Variants in LCP1 observed in about 807,000 individuals in gnomAD.
LCP1 encodes the protein lymphocyte cytosolic protein 1.
In LCP1, 23 loss-of-function variants were observed where a neutral mutation model predicts 72.0. The ratio of observed to expected loss-of-function variants is 0.32; its 90% CI spans 0.23 to 0.45. The LOEUF (loss-of-function observed/expected upper bound fraction) is 0.45. LCP1 is among the 20% of genes least tolerant of loss of function. LCP1 has a pLI of 1.00. For missense variants in LCP1, 571 were observed against 748.3 expected (o/e 0.76, Z 2.76); for synonymous variants, 245 against 275.4 (o/e 0.89, Z 1.09).
chr13:46,134,999 C>G (rs2045655640), intron 13 of LCP1, among the ~76,000 whole-genome samples: 2 of 150,440 alleles, frequency 1.3e-5, no homozygotes, highest in Non-Finnish European at 3.0e-5. Context: ...GTCCCAGCTA[C>G]TAGGGAGGCT....
At chr13:46,176,609 G>C (rs1270132309) in intron 1 of LCP1, among the ~76,000 whole-genome samples, 2 of 152,148 alleles carry the variant, frequency 1.3e-5, no homozygotes, top group Non-Finnish European at 2.9e-5. Flanking sequence ...ACTACTACCA[G>C]ACTGAGGAAA....
At chr13:46,146,209 G>C (rs2045729932) in intron 10 of LCP1, among the ~76,000 whole-genome samples, 1 of 152,180 alleles carries the variant, frequency 6.6e-6, no homozygotes, top group Admixed American at 6.5e-5. Flanking sequence ...TGCATTTCTA[G>C]TGAGAGTAAA....
intron 1 of LCP1, among the ~76,000 whole-genome samples, chr13:46,177,511 G>A (rs1341249504): frequency 6.6e-6 from 1 of 151,932 alleles, no homozygotes; most frequent in Non-Finnish European, 1.5e-5. Flanking sequence ...GTGGTGGTGG[G>A]CGCCTGTAGT....
At chr13:46,169,525 T>A (rs1405571119) in intron 1 of LCP1, 2 of 152,294 alleles carry the variant, frequency 1.3e-5, no homozygotes, top group Admixed American at 1.3e-4. Flanking sequence ...ATCCCACTAC[T>A]GATCAGCACA....
At chr13:46,147,834 A>C (rs2045740004) in intron 9 of LCP1, among the ~76,000 whole-genome samples, 1 of 152,178 alleles carries the variant, frequency 6.6e-6, no homozygotes, top group Admixed American at 6.6e-5. Context: ...ACTTTAAATT[A>C]GGATGATTTC....
intron 10 of LCP1, among the ~76,000 whole-genome samples, chr13:46,145,476 G>T (rs928394317): frequency 1.3e-5 from 2 of 152,100 alleles, no homozygotes; most frequent in African/African-American, 2.4e-5. Flanking sequence ...TTGAGAAAAT[G>T]TTCCAAAGGA....
intron 4 of LCP1, among the ~76,000 whole-genome samples, chr13:46,158,095 T>C (rs1212923031): frequency 6.6e-6 from 1 of 152,214 alleles, no homozygotes; most frequent in Non-Finnish European, 1.5e-5. Flanking sequence ...GCAACAACTA[T>C]ACTGTTTGGC....
At chr13:46,157,671 T>C (rs1042834908) in intron 4 of LCP1, among the ~76,000 whole-genome samples, 1 of 151,912 alleles carries the variant, frequency 6.6e-6, no homozygotes, top group Non-Finnish European at 1.5e-5. Flanking sequence ...GTTCTGAAAA[T>C]TCCTGTATTT....
At chr13:46,176,875 TTGTGTG>T (rs58990974) in intron 1 of LCP1, among the ~76,000 whole-genome samples, 14 of 143,842 alleles carry the variant, frequency 9.7e-5, no homozygotes, top group South Asian at 6.8e-4. Flanking sequence ...GTGTGTTTAT[TTGTGTG>T]TGTGTGTGTG....
At chr13:46,131,923 G>T (rs1415506987) in intron 14 of LCP1, among the ~76,000 whole-genome samples, 1 of 151,954 alleles carries the variant, frequency 6.6e-6, no homozygotes, top group African/African-American at 2.4e-5. Flanking sequence ...CTATTTGGGT[G>T]ACTGGTTCAA....
intron 1 of LCP1, among the ~76,000 whole-genome samples, chr13:46,165,266 C>T (rs568733789): frequency 1.8e-4 from 28 of 151,876 alleles, no homozygotes; most frequent in African/African-American, 5.3e-4. Flanking sequence ...CCCAGCTACT[C>T]GGGAGGCTGA....
At chr13:46,177,370 G>A (rs191450372) in intron 1 of LCP1, among the ~76,000 whole-genome samples, 48 of 152,260 alleles carry the variant, frequency 3.2e-4, no homozygotes, top group African/African-American at 1.1e-3. Context: ...GGCCGGGCGC[G>A]GTGGCTCACG....
At chr13:46,128,723 C>G (rs536613571) in intron 15 of LCP1, among the ~76,000 whole-genome samples, 2 of 152,272 alleles carry the variant, frequency 1.3e-5, no homozygotes, top group South Asian at 2.1e-4. Flanking sequence ...GATTTATATT[C>G]CATATTTTCA....
chr13:46,166,162 A>T (rs9567628), intron 1 of LCP1, among the ~76,000 whole-genome samples: 20,802 of 152,212 alleles, frequency 0.14, 1,736 homozygotes, highest in South Asian at 0.26. Context: ...GTGGGAGTTT[A>T]CTCTTGAACA....
At chr13:46,178,924 A>G (rs901351707) in intron 1 of LCP1, among the ~76,000 whole-genome samples, 2 of 152,190 alleles carry the variant, frequency 1.3e-5, no homozygotes, top group African/African-American at 4.8e-5. Flanking sequence ...GTTGCTTGCC[A>G]TCTCTCCTGT....
At chr13:46,137,432 T>C (rs74777750) in intron 13 of LCP1, among the ~76,000 whole-genome samples, 1,963 of 151,998 alleles carry the variant, frequency 0.013, 44 homozygotes, top group African/African-American at 0.043. Flanking sequence ...AGCTATTTGG[T>C]GGGAGGCTGA....
intron 8 of LCP1, among the ~76,000 whole-genome samples, chr13:46,149,270 G>A (rs2045748840): frequency 6.6e-6 from 1 of 152,140 alleles, no homozygotes; most frequent in South Asian, 2.1e-4. Context: ...GCAGAGGAGA[G>A]GTATGCTCAC....
rs142073705 is a variant in LCP1 at position 46,127,288 on chromosome 13, C to T, written c.*303G>A. 1.1e-4 allele frequency: 35 copies of T among 312,398 alleles called. No homozygotes were observed. In the East Asian group the frequency reaches 1.7e-3, roughly 15 times the overall value. The allele number at this position is 312,398 out of a possible 1,614,324, so 19.4% of individuals were successfully genotyped here. A position where few individuals can be genotyped will look rare whatever the true frequency, so the allele number is the denominator to read the frequency against. ...AATTAATACCACTGCAGCTTCTATCCTTGGCTAATGGCAAAAGCGAGAAGG... is the reference window on the plus strand; with the variant it reads ...AATTAATACCACTGCAGCTTCTATCTTTGGCTAATGGCAAAAGCGAGAAGG... On this transcript the variant is annotated 3_prime_UTR_variant, in exon 16 of 16. Coordinates refer to ENST00000323076, the MANE Select transcript of LCP1 (RefSeq NM_002298.5).
At chr13:46,171,717 C>T (rs2045905571) in intron 1 of LCP1, among the ~76,000 whole-genome samples, 1 of 152,222 alleles carries the variant, frequency 6.6e-6, no homozygotes, top group Non-Finnish European at 1.5e-5. Context: ...TGCAAGACTA[C>T]ACTAATATGA....
Sources: gnomAD v4.1 joint callset for allele counts (sites outside exome capture counted in the v4.1 genomes callset) on GRCh38, gnomAD v4.1.1 for gene constraint, MANE v1.5 for transcripts, NCBI Gene and HGNC (gene_info 2026-07-23, HGNC 2026-07-21) for gene names.